The following EPS15L1 variants were observed in gnomAD, a reference collection of about 807,000 sequenced individuals.
EPS15L1 encodes epidermal growth factor receptor substrate 15-like 1.
A neutral mutation model predicts 117.1 loss-of-function variants in EPS15L1; 43 were observed. The observed-to-expected ratio is 0.37, with a 90% CI of 0.29 to 0.47. The LOEUF is 0.47. EPS15L1 is among the 20% of genes least tolerant of loss of function. The pLI, the probability that EPS15L1 is intolerant of heterozygous loss-of-function variation, is 0.99. For synonymous variants in EPS15L1, 459 were observed against 470.5 expected, an observed-to-expected ratio of 0.98 and a Z score of 0.32; for missense variants, 981 against 1,164.0, an observed-to-expected ratio of 0.84 and a Z score of 2.29.
intron 1 of EPS15L1, among the ~76,000 whole-genome samples, chr19:16,469,321 C>A (rs1161909879): frequency 6.6e-6 from 1 of 152,012 alleles, no homozygotes; most frequent in Non-Finnish European, 1.5e-5. Context: ...GAGTGAAGAC[C>A]GACGGGCTCC....
At chr19:16,411,879 T>C (rs2092709000) in intron 13 of EPS15L1, among the ~76,000 whole-genome samples, 1 of 152,100 alleles carries the variant, frequency 6.6e-6, no homozygotes, top group South Asian at 2.1e-4. Context: ...CAAATATTTT[T>C]GTAGAAACAG....
intron 19 of EPS15L1, among the ~76,000 whole-genome samples, chr19:16,390,566 A>G (rs1339567552): frequency 6.6e-6 from 1 of 152,226 alleles, no homozygotes; most frequent in African/African-American, 2.4e-5. Flanking sequence ...TCAAGTGTAC[A>G]TGGTTTGTTC....
intron 1 of EPS15L1, among the ~76,000 whole-genome samples, chr19:16,460,142 G>T (rs749259429): frequency 1.3e-5 from 2 of 152,100 alleles, no homozygotes; most frequent in Non-Finnish European, 2.9e-5. Context: ...TTAGCTGGGC[G>T]TGGTGGTGTG....
chr19:16,387,854 A>T (rs1199193717), intron 19 of EPS15L1, among the ~76,000 whole-genome samples: 1 of 152,232 alleles, frequency 6.6e-6, no homozygotes, highest in Non-Finnish European at 1.5e-5. Context: ...ACAGAGCAGT[A>T]GAAATTACTC....
intron 16 of EPS15L1, among the ~76,000 whole-genome samples, chr19:16,399,973 G>C (rs1490463593): frequency 3.3e-5 from 5 of 152,198 alleles, no homozygotes; most frequent in Non-Finnish European, 1.5e-5. Context: ...TCCATAAGTT[G>C]ATTGGATGGT....
intron 1 of EPS15L1, among the ~76,000 whole-genome samples, chr19:16,449,909 C>T (rs2093123378): frequency 6.6e-6 from 1 of 152,156 alleles, no homozygotes; most frequent in Admixed American, 6.5e-5. Context: ...TCAAAGGTTA[C>T]ATACTGAATA....
chr19:16,404,149 GA>G lies in EPS15L1; in HGVS notation c.1429-220del, dbSNP rs1172245651. 1.3e-5 allele frequency among the ~76,000 whole-genome samples: 2 copies of G among 152,180 alleles called. No homozygotes were observed. The highest frequency in any genetic ancestry group is 2.4e-5 in the African/African-American group (1 of 41,448). ...TGGGCTCATCCCACTGTGGCTAACG[GA>G]AGATCACTTTGGAATAATGAGGGGC... is the stretch of plus-strand genomic sequence containing the variant. On this transcript the variant is annotated intron_variant, in intron 14 of 23. Coordinates refer to ENST00000455140, the MANE Select transcript of EPS15L1 (RefSeq NM_001258374.3). The surrounding 1 kb of genome is among the most constrained non-coding windows in gnomAD (Gnocchi z 4.2).
chr19:16,431,451 G>A (rs1231726502), intron 7 of EPS15L1, among the ~76,000 whole-genome samples: 1 of 151,464 alleles, frequency 6.6e-6, no homozygotes, highest in Non-Finnish European at 1.5e-5. Context: ...CTACATGAGT[G>A]TGCCACCATG....
At chr19:16,417,753 G>T (rs2092772792) in intron 11 of EPS15L1, 116 bp from the exon 12 acceptor site, 3 of 1,144,258 alleles carry the variant, frequency 2.6e-6, no homozygotes, top group South Asian at 2.6e-5. Context: ...ACAGGGTGAG[G>T]TAGCAAAAGT....
chr19:16,468,014 A>G (rs536892438), intron 1 of EPS15L1, among the ~76,000 whole-genome samples: 25 of 152,302 alleles, frequency 1.6e-4, no homozygotes, highest in Non-Finnish European at 3.1e-4. Context: ...GAAAGGAGGA[A>G]GGTGTAGCTC....
At chr19:16,413,878 A>G (rs756005566) in intron 12 of EPS15L1, 33 bp from the exon 13 acceptor site, 2 of 1,547,366 alleles carry the variant, frequency 1.3e-6, no homozygotes, top group Non-Finnish European at 1.8e-6. Context: ...TGAAAACAAG[A>G]GTGAATAATA....
chr19:16,426,549 G>A (rs2092874592), intron 8 of EPS15L1, among the ~76,000 whole-genome samples: 1 of 152,172 alleles, frequency 6.6e-6, no homozygotes, highest in Admixed American at 6.5e-5. Flanking sequence ...TGAGGCAGGA[G>A]AATCGCTTGA....
In EPS15L1 at chr19:16,404,147, C is replaced by T. The variant is rs114632011; in HGVS notation, c.1429-217G>A. 6.0e-3 allele frequency among the ~76,000 whole-genome samples: 919 copies of T among 152,218 alleles called. 11 individuals are homozygous for T. Among genetic ancestry groups the T allele is most frequent in the African/African-American group, 0.021 (873 of 41,524 alleles). ...GATGGGCTCATCCCACTGTGGCTAA[C>T]GGAAGATCACTTTGGAATAATGAGG... On this transcript the variant is annotated intron_variant, in intron 14 of 23. Coordinates refer to ENST00000455140, the MANE Select transcript of EPS15L1 (RefSeq NM_001258374.3). This position sits in a 1 kb window ranked among gnomAD's most constrained non-coding sequence, Gnocchi z 4.2.
intron 15 of EPS15L1, among the ~76,000 whole-genome samples, chr19:16,403,111 C>T (rs938784920): frequency 3.9e-5 from 6 of 152,190 alleles, no homozygotes; most frequent in African/African-American, 1.4e-4. Flanking sequence ...CCGACACAGG[C>T]GAGGGCCAGT....
chr19:16,379,482 G>A (rs956614143), intron 21 of EPS15L1, among the ~76,000 whole-genome samples: 1 of 152,178 alleles, frequency 6.6e-6, no homozygotes, highest in Non-Finnish European at 1.5e-5. Flanking sequence ...GGTTTCCCTC[G>A]AGAATCTGAA....
At position 16,355,509 on chromosome 19, in the gene EPS15L1, A is replaced by G. The variant is rs1165791581; in HGVS notation, c.*196T>C. 6 of 646,350 alleles carry G rather than the reference A, an allele frequency of 9.3e-6. No individual in the cohort carries two copies. The highest frequency in any genetic ancestry group is 1.3e-5 in the Non-Finnish European group (5 of 393,528). 40.0% of individuals were successfully genotyped at this position (646,350 alleles called of 1,614,324 possible). On this transcript the variant is annotated 3_prime_UTR_variant, in exon 24 of 24. Transcript: ENST00000455140. ...AGACGGACCTGCAGAAGTGGTGGCC[A>G]AGGCCTCTGTAAGGGCTTCCCCAGG...
intron 8 of EPS15L1, among the ~76,000 whole-genome samples, 157 bp downstream of exon 8, chr19:16,428,541 AAGAC>A (rs1568443601): frequency 6.8e-6 from 1 of 147,136 alleles, no homozygotes; most frequent in East Asian, 1.9e-4. Context: ...GAAAGGAAGA[AAGAC>A]AGAAAAGAAA....
intron 8 of EPS15L1, among the ~76,000 whole-genome samples, chr19:16,428,468 G>GGAGAGAGGGAGA (rs1484272205): frequency 8.6e-6 from 1 of 116,472 alleles, no homozygotes. Flanking sequence ...GACAGAGAGA[G>GGAGAGAGGGAGA]GAGAGAGGGA....
At chr19:16,453,271 T>A (rs2145138791) in intron 1 of EPS15L1, among the ~76,000 whole-genome samples, 1 of 152,288 alleles carries the variant, frequency 6.6e-6, no homozygotes, top group East Asian at 1.9e-4. Flanking sequence ...AGCTAATTAC[T>A]ATTTTTTATT....
Sources: gnomAD v4.1 joint callset for allele counts (sites outside exome capture counted in the v4.1 genomes callset) on GRCh38, gnomAD v4.1.1 for gene constraint, Gnocchi (gnomAD v3.1) non-coding constraint, MANE v1.5 for transcripts, NCBI Gene and HGNC (gene_info 2026-07-23, HGNC 2026-07-21) for gene names.